The following INPP4B variants were observed in gnomAD, a reference collection of about 807,000 sequenced individuals.
INPP4B encodes the protein inositol polyphosphate 4-phosphatase type II.
INPP4B carries 55 observed loss-of-function variants against 122.5 expected under a neutral mutation model. That is an observed-to-expected ratio of 0.45 (90% CI 0.36 to 0.56). The LOEUF (loss-of-function observed/expected upper bound fraction) is 0.56, where lower values mean the gene tolerates loss of function less well. Among genes scored for constraint, INPP4B ranks in the 20% least tolerant of loss-of-function variants. INPP4B has a pLI of 0.00. For synonymous variants in INPP4B, 403 were observed against 388.7 expected (o/e 1.04, Z -0.43); for missense variants, 1,000 against 1,097.7 (o/e 0.91, Z 1.26).
At chr4:142,533,471 T>A (rs897055124) in intron 2 of INPP4B, among the ~76,000 whole-genome samples, 4 of 152,068 alleles carry the variant, frequency 2.6e-5, no homozygotes, top group African/African-American at 7.2e-5. Context: ...ATATTTATTT[T>A]TTTTTTAAAA....
At chr4:142,480,937 C>T (rs1820434552) in intron 2 of INPP4B, among the ~76,000 whole-genome samples, 1 of 151,750 alleles carries the variant, frequency 6.6e-6, no homozygotes, top group African/African-American at 2.4e-5. Flanking sequence ...AGGTGAAAAT[C>T]CTCATCAGAA....
chr4:142,390,228 G>A (rs972746972), intron 7 of INPP4B, among the ~76,000 whole-genome samples: 1 of 152,104 alleles, frequency 6.6e-6, no homozygotes. Context: ...GTGAAATTTG[G>A]CTTTTTCTCT....
intron 13 of INPP4B, 151 bp downstream of exon 13, chr4:142,208,745 C>T: frequency 1.7e-6 from 1 of 581,216 alleles, no homozygotes; most frequent in Non-Finnish European, 2.6e-6. Context: ...GTAGTTTTTT[C>T]TTTGTTTTAA....
chr4:142,176,118 T>TTTATTATTATTATTATTA (rs146074826), intron 15 of INPP4B, among the ~76,000 whole-genome samples: 87 of 137,616 alleles, frequency 6.3e-4, no homozygotes, highest in East Asian at 1.1e-3. Context: ...ACTGCTTTCT[T>TTTATTATTATTATTATTA]TTATTATTAT....
intron 2 of INPP4B, among the ~76,000 whole-genome samples, chr4:142,636,058 ATG>A (rs1164066544): frequency 6.6e-6 from 1 of 152,088 alleles, no homozygotes; most frequent in Non-Finnish European, 1.5e-5. Context: ...AGTTTCCCCC[ATG>A]CAGTTCTAGT....
intron 1 of INPP4B, among the ~76,000 whole-genome samples, chr4:142,822,759 A>T (rs952649162): frequency 6.6e-6 from 1 of 152,162 alleles, no homozygotes; most frequent in Non-Finnish European, 1.5e-5. Flanking sequence ...GATCCCCTCA[A>T]CAACAACAGT....
intron 16 of INPP4B, among the ~76,000 whole-genome samples, chr4:142,169,365 T>C (rs1481845129): frequency 2.0e-5 from 3 of 151,690 alleles, no homozygotes; most frequent in African/African-American, 7.3e-5. Flanking sequence ...ACTCATTAAG[T>C]TCTTTCCCAC....
chr4:142,373,563 G>T (rs562638479), intron 7 of INPP4B, among the ~76,000 whole-genome samples: 1 of 151,930 alleles, frequency 6.6e-6, no homozygotes, highest in East Asian at 1.9e-4. Context: ...TCACCTCTCT[G>T]TGCCTCAATT....
chr4:142,535,266 A>T (rs749733172), intron 2 of INPP4B, among the ~76,000 whole-genome samples: 1 of 152,194 alleles, frequency 6.6e-6, no homozygotes, highest in African/African-American at 2.4e-5. Flanking sequence ...AGTTTAGTTT[A>T]TCCTCCTACA....
chr4:142,364,121 A>C (rs565574504), intron 7 of INPP4B, among the ~76,000 whole-genome samples: 1 of 152,202 alleles, frequency 6.6e-6, no homozygotes, highest in South Asian at 2.1e-4. Context: ...GAATATGAGA[A>C]AACAGCAACA....
intron 7 of INPP4B, among the ~76,000 whole-genome samples, chr4:142,335,085 G>T (rs1579770278): frequency 8.5e-6 from 1 of 117,850 alleles, no homozygotes; most frequent in East Asian, 2.7e-4. Context: ...TTAATGCTCT[G>T]TCTGCTACTT....
chr4:142,632,023 TTAA>T (rs1748083078), intron 2 of INPP4B, among the ~76,000 whole-genome samples: 1 of 152,102 alleles, frequency 6.6e-6, no homozygotes, highest in Admixed American at 6.6e-5. Context: ...AGCAAGACAG[TTAA>T]AGACAATTCT....
chr4:142,120,922 C>A (rs1304220616), intron 21 of INPP4B, among the ~76,000 whole-genome samples: 1 of 152,052 alleles, frequency 6.6e-6, no homozygotes, highest in African/African-American at 2.4e-5. Flanking sequence ...GTGTGCTAAG[C>A]TGCTCACTTC....
intron 25 of INPP4B, among the ~76,000 whole-genome samples, chr4:142,070,313 A>T (rs1347715094): frequency 6.6e-6 from 1 of 152,160 alleles, no homozygotes; most frequent in Non-Finnish European, 1.5e-5. Flanking sequence ...CTCTCAATAA[A>T]CTAGGTATTG....
chr4:142,263,745 G>T lies in INPP4B; in HGVS notation c.616-3181C>A, dbSNP rs895688972. Among the ~76,000 whole-genome samples the T allele has an allele frequency of 4.9e-5, 7 of 143,522 alleles. No homozygotes were observed. In the Admixed American group the frequency reaches 5.1e-4, roughly 10 times the overall value. The allele number at this position is 143,522 out of a possible 152,430, so 94.2% of individuals were successfully genotyped here. A position where few individuals can be genotyped will look rare whatever the true frequency, so the allele number is the denominator to read the frequency against. The stretch of plus-strand genomic sequence containing the variant: ...AGAGAAAGGCGATAGAAAGCTCTGA[G>T]GTAGACACTGCAATCTTAGATAGGG... On this transcript the variant is annotated intron_variant, in intron 10 of 25. Transcript: ENST00000262992.
intron 2 of INPP4B, among the ~76,000 whole-genome samples, chr4:142,592,219 A>T (rs1737651811): frequency 6.6e-6 from 1 of 152,204 alleles, no homozygotes; most frequent in African/African-American, 2.4e-5. Context: ...AATTTTTCCC[A>T]GGTGACAGCC....
intron 2 of INPP4B, among the ~76,000 whole-genome samples, chr4:142,640,764 T>C (rs746998270): frequency 7.9e-5 from 12 of 152,008 alleles, no homozygotes; most frequent in South Asian, 2.1e-4. Context: ...TCAAGGGACT[T>C]TGAAAAGCAT....
chr4:142,176,824 TC>T (rs1402228627), intron 15 of INPP4B, among the ~76,000 whole-genome samples: 1 of 152,100 alleles, frequency 6.6e-6, no homozygotes, highest in Non-Finnish European at 1.5e-5. Context: ...TTGACTGAGA[TC>T]CCCTCTAAAC....
At chr4:142,397,522 T>TA (rs1228260445) in intron 7 of INPP4B, among the ~76,000 whole-genome samples, 1 of 152,156 alleles carries the variant, frequency 6.6e-6, no homozygotes, top group African/African-American at 2.4e-5. Context: ...CTTGTTTTAG[T>TA]AATTGATCAA....
Sources: gnomAD v4.1 joint callset for allele counts (sites outside exome capture counted in the v4.1 genomes callset) on GRCh38, gnomAD v4.1.1 for gene constraint, MANE v1.5 for transcripts, NCBI Gene and HGNC (gene_info 2026-07-23, HGNC 2026-07-21) for gene names.